Variants in CXCL5 observed in about 807,000 individuals in gnomAD.
The protein encoded by CXCL5 is C-X-C motif chemokine ligand 5, also known as C-X-C motif chemokine 5.
Under a neutral mutation model 12.1 loss-of-function variants are expected in CXCL5, and 13 were observed. The ratio of observed to expected loss-of-function variants is 1.08; its 90% CI spans 0.70 to 1.71. The LOEUF is 1.71. Ranked by LOEUF, CXCL5 falls within the 40% of genes most tolerant of loss-of-function variation. The pLI is 0.00. For missense variants in CXCL5, 159 were observed against 142.4 expected (o/e 1.12, Z -0.59); for synonymous variants, 67 against 59.0 (o/e 1.14, Z -0.62).
At chr4:73,997,938 G>T in intron 3 of CXCL5, 74 bp downstream of exon 3, 2 of 1,250,526 alleles carry the variant, frequency 1.6e-6, no homozygotes, top group East Asian at 4.6e-5. Flanking sequence ...ATCGTACAGA[G>T]AATAAAGACC....
At position 73,998,453 on chromosome 4, in the gene CXCL5, C is replaced by T. The variant is rs1251744992; in HGVS notation, c.109+20G>A. On this transcript the variant is annotated intron_variant, in intron 1 of 3. Transcript: ENST00000296027. ...TCTGTGCCCGAGTGCGAGTGCGTCC[C>T]GCGCGCCATGCGCTCTCACCGCTGG... 1 of 1,606,576 alleles carries T rather than the reference C, an allele frequency of 6.2e-7. No homozygotes were observed. Among genetic ancestry groups the T allele is most frequent in the East Asian group, 2.2e-5 (1 of 44,630 alleles).
chr4:73,998,542 G>A lies in CXCL5; in HGVS notation c.40C>T (p.Pro14Ser). ...AACAGCGCGCACAAGGAGCTCGAAG[G>A]ACCGGGGACACGGGCCGCGCGGCTG... ...LSSRAARVPG[P>S]SSSLCALLVL... Residue 14 changes from proline (P) to serine (S), a missense_variant, in exon 1 of 4, where the codon CCT becomes TCT. By Grantham distance (74) the Pro-to-Ser change is moderately conservative. Coordinates refer to ENST00000296027, the MANE Select transcript of CXCL5 (RefSeq NM_002994.5). 1 of 1,595,342 alleles carries A rather than the reference G, an allele frequency of 6.3e-7. No individual in the cohort carries two copies. Among genetic ancestry groups the A allele is most frequent in the Non-Finnish European group, 8.5e-7 (1 of 1,170,726 alleles).
chr4:73,998,458 G>A lies in CXCL5; in HGVS notation c.109+15C>T, dbSNP rs759622698. On this transcript the variant is annotated intron_variant, in intron 1 of 3. Coordinates refer to ENST00000296027, the MANE Select transcript of CXCL5 (RefSeq NM_002994.5). ...GCCCGAGTGCGAGTGCGTCCCGCGC[G>A]CCATGCGCTCTCACCGCTGGCGATG... 9 of 1,605,800 alleles carry A rather than the reference G, an allele frequency of 5.6e-6. No homozygotes were observed. The highest frequency in any genetic ancestry group is 6.8e-6 in the Non-Finnish European group (8 of 1,175,890).
Position 73,998,405 on chromosome 4 carries a change from C to T in CXCL5, c.110-67G>A, listed in dbSNP as rs1424328709. The stretch of plus-strand genomic sequence containing the variant: ...GGGAGAGTTCCCTGGAACGCAGCGA[C>T]CCCGCAGAGGCTGGGATGCACCTCT... On this transcript the variant is annotated intron_variant, in intron 1 of 3. Coordinates refer to ENST00000296027, the MANE Select transcript of CXCL5 (RefSeq NM_002994.5). 14 of 1,608,042 alleles carry T rather than the reference C, an allele frequency of 8.7e-6. No individual in the cohort carries two copies. The African/African-American group carries it at 1.2e-4, about 14-fold the overall frequency.
In CXCL5 at chr4:73,996,461, G is replaced by A. The variant is rs1441171960; in HGVS notation, c.*1176C>T. ...GTGGGGAGGGAACTTGCCCCAGCGT[G>A]GCCACCTTATATATAATTATATATT... On this transcript the variant is annotated 3_prime_UTR_variant, in exon 4 of 4. Transcript: ENST00000296027. The A allele has an allele frequency of 2.0e-5, 3 of 152,536 alleles. No individual in the cohort carries two copies. Among genetic ancestry groups the A allele is most frequent in the Non-Finnish European group, 4.4e-5 (3 of 68,040 alleles). 9.4% of individuals were successfully genotyped at this position (152,536 alleles called of 1,614,324 possible).
Position 73,998,472 on chromosome 4 carries a change from C to G in CXCL5, c.109+1G>C, listed in dbSNP as rs764548767. On this transcript the variant is annotated splice_donor_variant, in intron 1 of 3. Coordinates refer to ENST00000296027, the MANE Select transcript of CXCL5 (RefSeq NM_002994.5). LOFTEE classifies it high-confidence loss of function. ...GCGTCCCGCGCGCCATGCGCTCTCACCGCTGGCGATGGGCCCTGGCTGCGT... is the reference window on the plus strand; with the variant it reads ...GCGTCCCGCGCGCCATGCGCTCTCAGCGCTGGCGATGGGCCCTGGCTGCGT... 6.2e-7 allele frequency: 1 copy of G among 1,604,600 alleles called. No individual in the cohort carries two copies. The highest frequency in any genetic ancestry group is 8.5e-7 in the Non-Finnish European group (1 of 1,175,214).
rs1719184020 is a variant in CXCL5 at position 73,995,970 on chromosome 4, C to G, written c.*1667G>C. On this transcript the variant is annotated 3_prime_UTR_variant, in exon 4 of 4. Coordinates refer to ENST00000296027, the MANE Select transcript of CXCL5 (RefSeq NM_002994.5). ...GCCATTTAAATATTATCACAGAATCCTATTCTGAAAGACAAATGTTCATTA... is the reference window on the plus strand; with the variant it reads ...GCCATTTAAATATTATCACAGAATCGTATTCTGAAAGACAAATGTTCATTA... 6.6e-6 allele frequency: 1 copy of G among 151,984 alleles called. No individual in the cohort carries two copies. Among genetic ancestry groups the G allele is most frequent in the Non-Finnish European group, 1.5e-5 (1 of 67,918 alleles). 9.4% of individuals were successfully genotyped at this position (151,984 alleles called of 1,614,324 possible). A position where few individuals can be genotyped will look rare whatever the true frequency, so the allele number is the denominator to read the frequency against.
At position 73,998,645 on chromosome 4, in the gene CXCL5, G is replaced by A. The variant is rs766355286; in HGVS notation, c.-64C>T. The stretch of plus-strand genomic sequence containing the variant: ...GAACTGGGTGGAGGAGCGGAGATTG[G>A]AGGAGCGAAGATTGGAGGATCCGGA... On this transcript the variant is annotated 5_prime_UTR_variant, in exon 1 of 4. Coordinates refer to ENST00000296027, the MANE Select transcript of CXCL5 (RefSeq NM_002994.5). 1.2e-5 allele frequency: 17 copies of A among 1,404,212 alleles called. No homozygotes were observed. The highest frequency in any genetic ancestry group is 1.8e-4 in the Middle Eastern group (1 of 5,602). The allele number at this position is 1,404,212 out of a possible 1,614,324, so 87.0% of individuals were successfully genotyped here.
chr4:73,997,768 A>G (rs1560549246), intron 3 of CXCL5, 113 bp from the exon 4 acceptor site: 6 of 889,252 alleles, frequency 6.7e-6, no homozygotes, highest in Non-Finnish European at 1.0e-5. Flanking sequence ...TACAAAAATC[A>G]ATAAAAGCAA....
chr4:73,998,545 C>A lies in CXCL5; in HGVS notation c.37G>T (p.Gly13Cys). ...AGCGCGCACAAGGAGCTCGAAGGAC[C>A]GGGGACACGGGCCGCGCGGCTGGAC... ...LLSSRAARVP[G>C]PSSSLCALLV... The change falls in exon 1 of 4, where the codon GGT (glycine) becomes TGT (cysteine). Residue 13 changes from glycine (G) to cysteine (C), a missense_variant. Gly to Cys is a radical substitution (Grantham distance 159). Transcript: ENST00000296027. 1 of 1,593,832 alleles carries A rather than the reference C, an allele frequency of 6.3e-7. No individual in the cohort carries two copies. Among genetic ancestry groups the A allele is most frequent in the Non-Finnish European group, 8.5e-7 (1 of 1,170,012 alleles).
rs1719208395 is a variant in CXCL5, at chr4:73,997,015, C to T, written c.*622G>A. On this transcript the variant is annotated 3_prime_UTR_variant, in exon 4 of 4. Coordinates refer to ENST00000296027, the MANE Select transcript of CXCL5 (RefSeq NM_002994.5). ...GATATTAGCCCTCATAGAACTTAAA[C>T]TTTTAGAAATTCTGAATAAGGAAAT... 1.3e-5 allele frequency: 2 copies of T among 152,124 alleles called. No individual in the cohort carries two copies. The highest frequency in any genetic ancestry group is 2.9e-5 in the Non-Finnish European group (2 of 68,014). 9.4% of individuals were successfully genotyped at this position (152,124 alleles called of 1,614,324 possible).
chr4:73,998,374 G>A, intron 1 of CXCL5, 36 bp from the exon 2 acceptor site: 1 of 1,612,240 alleles, frequency 6.2e-7, no homozygotes, highest in Non-Finnish European at 8.5e-7. Context: ...TATAGGGCAG[G>A]TTGCTGGGAG....
Position 73,998,048 on chromosome 4 carries a change from G to A in CXCL5, c.290C>T (p.Pro97Leu). The change falls in exon 3 of 4, where the codon CCT becomes CTT. Residue 97 changes from proline to leucine, a missense_variant. Transcript: ENST00000296027. ...TTTCTGGATGACTTTCTTTAGAAAA[G>A]GGGCTTCTGGATCAAGACAAATTTC... ...GKEICLDPEA[P>L]FLKKVIQKIL... The A allele has an allele frequency of 6.2e-7, 1 of 1,614,108 alleles. No individual in the cohort carries two copies. Among genetic ancestry groups the A allele is most frequent in the African/African-American group, 1.3e-5 (1 of 75,042 alleles).
chr4:73,997,800 T>C (rs1444599391), intron 3 of CXCL5, 145 bp from the exon 4 acceptor site: 3 of 774,014 alleles, frequency 3.9e-6, no homozygotes, highest in Non-Finnish European at 6.3e-6. Flanking sequence ...AAAACATAAC[T>C]TAGTGACAAG....
At position 73,995,890 on chromosome 4, in the gene CXCL5, G is replaced by A. The variant is rs1008735567; in HGVS notation, c.*1747C>T. The A allele has an allele frequency of 6.7e-6, 1 of 149,660 alleles. No homozygotes were observed. Among genetic ancestry groups the A allele is most frequent in the African/African-American group, 2.4e-5 (1 of 40,906 alleles). 9.3% of individuals were successfully genotyped at this position (149,660 alleles called of 1,614,324 possible). A position where few individuals can be genotyped will look rare whatever the true frequency, so the allele number is the denominator to read the frequency against. On this transcript the variant is annotated 3_prime_UTR_variant, in exon 4 of 4. Coordinates refer to ENST00000296027, the MANE Select transcript of CXCL5 (RefSeq NM_002994.5). ...AATACATACGTTTTTACCAAGAAATGTTTTATTTTTCTTGCAGTAGCTTTG... is the reference window on the plus strand; with the variant it reads ...AATACATACGTTTTTACCAAGAAATATTTTATTTTTCTTGCAGTAGCTTTG...
At chr4:73,997,825 TCAAGTAATTA>T (rs1719230765) in intron 3 of CXCL5, among the ~76,000 whole-genome samples, 170 bp from the exon 4 acceptor site, 5 of 152,206 alleles carry the variant, frequency 3.3e-5, no homozygotes, top group Admixed American at 3.3e-4. Context: ...GTGTAATTGC[TCAAGTAATTA>T]CATGTAAGAT....
Position 73,998,013 on chromosome 4 carries a change from C to G in CXCL5, c.325G>C (p.Gly109Arg), listed in dbSNP as rs111813861. The change falls in exon 3 of 4, where the codon GGT becomes CGT. Residue 109 changes from glycine (G) to arginine (R), a missense_variant and splice_region_variant. Gly to Arg is a moderately radical substitution (Grantham distance 125). Transcript: ENST00000296027. Reference sequence around the variant, plus strand: ...CACAAAGATCAAAGTGACAAGTACCCGTCCAAAATTTTCTGGATGACTTTC... The same window carrying G: ...CACAAAGATCAAAGTGACAAGTACCGGTCCAAAATTTTCTGGATGACTTTC... ...LKKVIQKILD[G>R]GNKEN 432 of 1,613,432 alleles carry G rather than the reference C, an allele frequency of 2.7e-4. 3 individuals are homozygous for G. In the African/African-American group the frequency reaches 5.0e-3, roughly 19 times the overall value.
chr4:73,998,562 C>G lies in CXCL5; in HGVS notation c.20G>C (p.Arg7Pro). 1 of 1,589,414 alleles carries G rather than the reference C, an allele frequency of 6.3e-7. No homozygotes were observed. Among genetic ancestry groups the G allele is most frequent in the Non-Finnish European group, 8.6e-7 (1 of 1,167,816 alleles). ...CGAAGGACCGGGGACACGGGCCGCG[C>G]GGCTGGACAGGAGGCTCATAGTGGT... The part of the protein sequence containing the change: MSLLSS[R>P]AARVPGPSSS... The change falls in exon 1 of 4, where the codon CGC becomes CCC. Residue 7 changes from arginine to proline, a missense_variant. Coordinates refer to ENST00000296027, the MANE Select transcript of CXCL5 (RefSeq NM_002994.5).
In CXCL5 at chr4:73,997,645, C is replaced by T. The variant is rs751235100; in HGVS notation, c.337G>A (p.Glu113Lys). The change falls in exon 4 of 4, where the codon GAA (glutamate) becomes AAA (lysine). Residue 113 changes from glutamate to lysine, a missense_variant. Physicochemically the swap from Glu to Lys is moderately conservative, Grantham distance 56. Transcript: ENST00000296027. The part of the protein sequence containing the change: ...IQKILDGGNK[E>K]N ...GTGCTCATTTCTCTTAATCAGTTTT[C>T]CTTGTTTCCACTGTTGAGAAAAATG... 1 of 1,609,488 alleles carries T rather than the reference C, an allele frequency of 6.2e-7. No homozygotes were observed. Among genetic ancestry groups the T allele is most frequent in the Non-Finnish European group, 8.5e-7 (1 of 1,177,456 alleles).
Sources: allele counts gnomAD v4.1 joint callset (sites outside exome capture counted in the v4.1 genomes callset), GRCh38; gene constraint gnomAD v4.1.1; transcripts MANE v1.5; gene names NCBI Gene and HGNC (gene_info 2026-07-23, HGNC 2026-07-21).